Variants in RUFY1 observed in about 807,000 individuals in gnomAD.
RUFY1 encodes the protein RUN and FYVE domain containing 1, also known as RUN and FYVE domain-containing protein 1.
In RUFY1, 54 loss-of-function variants were observed where a neutral mutation model predicts 94.6. That is an observed-to-expected ratio of 0.57 (90% CI 0.46 to 0.72). The LOEUF (loss-of-function observed/expected upper bound fraction) is 0.72, where lower values mean the gene tolerates loss of function less well. RUFY1 is among the 30% of genes least tolerant of loss of function. RUFY1 has a pLI of 0.00. For synonymous variants in RUFY1, 396 were observed against 347.3 expected (o/e 1.14, Z -1.56); for missense variants, 883 against 883.9 (o/e 1.00, Z 0.01).
intron 17 of RUFY1, among the ~76,000 whole-genome samples, chr5:179,608,953 C>G (rs1479527542): frequency 2.0e-5 from 3 of 147,386 alleles, no homozygotes; most frequent in Non-Finnish European, 3.0e-5. Context: ...CGCGGTGTTT[C>G]ACGCCTGTAA....
At chr5:179,607,221 T>C (rs1434022498) in intron 16 of RUFY1, 2 of 270,614 alleles carry the variant, frequency 7.4e-6, no homozygotes, top group Non-Finnish European at 1.4e-5. Flanking sequence ...TCGGCCAGTG[T>C]CTCAGGCAGG....
At chr5:179,587,278 T>G (rs367548887) in intron 8 of RUFY1, among the ~76,000 whole-genome samples, 2 of 152,118 alleles carry the variant, frequency 1.3e-5, no homozygotes, top group African/African-American at 4.8e-5. Flanking sequence ...GGTCTCAAAC[T>G]CCTGGGCTAA....
chr5:179,555,239 CCAA>C (rs1239922095), intron 1 of RUFY1, among the ~76,000 whole-genome samples: 1 of 152,110 alleles, frequency 6.6e-6, no homozygotes, highest in Non-Finnish European at 1.5e-5. Flanking sequence ...CTTTGAAAGG[CCAA>C]CGAGAGAGGA....
rs184909760 is a variant in RUFY1 at position 179,551,574 on chromosome 5, C to T, written c.310+695C>T. Among the ~76,000 whole-genome samples the T allele has an allele frequency of 3.3e-5, 5 of 151,958 alleles. No individual in the cohort carries two copies. The East Asian group carries it at 7.9e-4, about 24-fold the overall frequency. On this transcript the variant is annotated intron_variant, in intron 1 of 17. Coordinates refer to ENST00000319449, the MANE Select transcript of RUFY1 (RefSeq NM_025158.5). ...TGGTGCGATCTCGGCTCACTGCACC[C>T]TCTGCCTCCCGGGTTCAAGCGATCC...
intron 17 of RUFY1, among the ~76,000 whole-genome samples, chr5:179,607,975 T>G (rs1468877525): frequency 6.6e-6 from 1 of 152,230 alleles, no homozygotes; most frequent in African/African-American, 2.4e-5. Context: ...TTGAAAATTC[T>G]CTGTATGCGG....
chr5:179,580,888 T>C, intron 6 of RUFY1, 59 bp from the exon 7 acceptor site: 2 of 937,994 alleles, frequency 2.1e-6, no homozygotes, highest in Non-Finnish European at 3.4e-6. Context: ...TGGGGAACAG[T>C]TACAAAGTAT....
chr5:179,577,159 CTTTTTTTTTTTTTTT>C (rs748319712), intron 6 of RUFY1, 23 bp downstream of exon 6: 104 of 186,686 alleles, frequency 5.6e-4, no homozygotes, highest in African/African-American at 1.6e-3. Flanking sequence ...TTGTATGTCA[CTTTTTTTTTTTTTTT>C]TTTTTTTTTT....
intron 5 of RUFY1, among the ~76,000 whole-genome samples, chr5:179,576,613 G>T (rs1314295167): frequency 6.6e-6 from 1 of 151,976 alleles, no homozygotes; most frequent in East Asian, 1.9e-4. Context: ...TAGAGACAGG[G>T]TTTCACCATG....
chr5:179,596,771 AC>A, intron 13 of RUFY1, 90 bp downstream of exon 13: 2 of 139,424 alleles, frequency 1.4e-5, no homozygotes, highest in South Asian at 1.2e-4. Flanking sequence ...TTCAGCACGA[AC>A]GGGAGGAGGG....
chr5:179,606,156 A>C (rs2127577139), intron 16 of RUFY1: 1 of 577,000 alleles, frequency 1.7e-6, no homozygotes, highest in African/African-American at 1.9e-5. Flanking sequence ...CTCCACCATC[A>C]GCTGTGCTTT....
chr5:179,598,466 C>A, intron 13 of RUFY1: 1 of 575,472 alleles, frequency 1.7e-6, no homozygotes. Flanking sequence ...TTCCTTCTCC[C>A]CTGCGTAAGT....
At chr5:179,569,768 G>A (rs1487151255) in intron 5 of RUFY1, among the ~76,000 whole-genome samples, 3 of 151,918 alleles carry the variant, frequency 2.0e-5, no homozygotes, top group African/African-American at 7.3e-5. Context: ...TTTTTGAGAC[G>A]GAGTCTCGTT....
At chr5:179,553,036 T>C (rs1761935554) in intron 1 of RUFY1, among the ~76,000 whole-genome samples, 1 of 152,234 alleles carries the variant, frequency 6.6e-6, no homozygotes, top group African/African-American at 2.4e-5. Flanking sequence ...CACTCAGAAG[T>C]ATCCCATGCT....
At chr5:179,576,156 G>A (rs758075929) in intron 5 of RUFY1, among the ~76,000 whole-genome samples, 5 of 152,172 alleles carry the variant, frequency 3.3e-5, no homozygotes, top group Non-Finnish European at 5.9e-5. Flanking sequence ...GCTGTAACAT[G>A]ATTGATTTCA....
intron 8 of RUFY1, 32 bp from the exon 9 acceptor site, chr5:179,589,514 T>A (rs1764865596): frequency 7.7e-7 from 1 of 1,298,274 alleles, no homozygotes; most frequent in Non-Finnish European, 1.1e-6. Flanking sequence ...TTAATTTTGA[T>A]GTTAAGAACT....
intron 3 of RUFY1, among the ~76,000 whole-genome samples, chr5:179,564,119 C>CTTT (rs59530799): frequency 0.078 from 10,388 of 133,404 alleles, 464 homozygotes; most frequent in Non-Finnish European, 0.099. Context: ...CTGATGTTTT[C>CTTT]TTTTTTTTTT....
intron 16 of RUFY1, chr5:179,607,187 G>A (rs962331219): frequency 4.7e-5 from 11 of 235,986 alleles, no homozygotes; most frequent in East Asian, 2.2e-4. Context: ...CCCTTCTTCC[G>A]CGCCTGCCAG....
chr5:179,601,700 TC>T (rs1766419685), intron 14 of RUFY1, among the ~76,000 whole-genome samples, 191 bp from the exon 15 acceptor site: 1 of 150,238 alleles, frequency 6.7e-6, no homozygotes. Context: ...GCACCTGTAG[TC>T]CCAGCTACTT....
At position 179,560,113 on chromosome 5, in the gene RUFY1, C is replaced by G; in HGVS notation, c.399C>G (p.Ser133Arg). The G allele has an allele frequency of 6.2e-7, 1 of 1,614,068 alleles. No individual in the cohort carries two copies. Among genetic ancestry groups the G allele is most frequent in the Non-Finnish European group, 8.5e-7 (1 of 1,180,014 alleles). ...AGGTGTTGCTCCAGTCGGCTCTGAG[C>G]CTGGGCCGCAGCCTGGATGCGGACC... The part of the protein sequence containing the change: ...SIKVLLQSAL[S>R]LGRSLDADHA... The change falls in exon 2 of 18, where the codon AGC becomes AGG. Residue 133 changes from serine (S) to arginine (R), a missense_variant. Coordinates refer to ENST00000319449, the MANE Select transcript of RUFY1 (RefSeq NM_025158.5).
Sources: allele counts gnomAD v4.1 joint callset (sites outside exome capture counted in the v4.1 genomes callset), GRCh38; gene constraint gnomAD v4.1.1; transcripts MANE v1.5; gene names NCBI Gene and HGNC (gene_info 2026-07-23, HGNC 2026-07-21).